Variants in PRKN observed in about 807,000 individuals in gnomAD.
The protein encoded by PRKN is E3 ubiquitin-protein ligase parkin.
A neutral mutation model predicts 59.5 loss-of-function variants in PRKN; 56 were observed. The observed-to-expected ratio is 0.94, with a 90% confidence interval of 0.76 to 1.18. The LOEUF (loss-of-function observed/expected upper bound fraction) is 1.18. Among genes scored for constraint, PRKN ranks in the 50% most tolerant of loss-of-function variants. PRKN has a pLI of 0.00. For synonymous variants in PRKN, 250 were observed against 222.1 expected, an observed-to-expected ratio of 1.13 and a Z score of -1.12; for missense variants, 657 against 596.4, an observed-to-expected ratio of 1.10 and a Z score of -1.06.
chr6:161,426,783 A>G (rs1442708481), intron 9 of PRKN, among the ~76,000 whole-genome samples: 1 of 151,878 alleles, frequency 6.6e-6, no homozygotes, highest in Non-Finnish European at 1.5e-5. Flanking sequence ...CAGTGGCGCA[A>G]TCTCGGCTCA....
At chr6:161,930,217 A>G (rs955634692) in intron 6 of PRKN, among the ~76,000 whole-genome samples, 1 of 152,220 alleles carries the variant, frequency 6.6e-6, no homozygotes, top group African/African-American at 2.4e-5. Flanking sequence ...ATCAGGCCAG[A>G]TGGATGAATG....
At chr6:162,192,499 C>A (rs1179475818) in intron 4 of PRKN, among the ~76,000 whole-genome samples, 1 of 115,224 alleles carries the variant, frequency 8.7e-6, no homozygotes, top group African/African-American at 3.5e-5. Context: ...GTCACTCAGG[C>A]TGGAATGTGG....
chr6:162,702,376 G>T (rs541338326), intron 1 of PRKN, among the ~76,000 whole-genome samples: 2 of 152,126 alleles, frequency 1.3e-5, no homozygotes, highest in South Asian at 4.2e-4. Context: ...TCACTGTAAA[G>T]AAGTTTAAAC....
intron 7 of PRKN, among the ~76,000 whole-genome samples, chr6:161,682,771 C>T (rs775787986): frequency 5.9e-5 from 9 of 152,238 alleles, no homozygotes; most frequent in East Asian, 5.8e-4. Context: ...GGAAGCCAGG[C>T]GAGAGGAGCA....
At chr6:162,126,509 T>G (rs900104049) in intron 4 of PRKN, among the ~76,000 whole-genome samples, 1 of 152,332 alleles carries the variant, frequency 6.6e-6, no homozygotes, top group East Asian at 1.9e-4. Context: ...ATGGTTCATT[T>G]TGGAATAGCA....
chr6:161,709,024 T>C (rs1182475249), intron 7 of PRKN, among the ~76,000 whole-genome samples: 1 of 152,216 alleles, frequency 6.6e-6, no homozygotes, highest in Non-Finnish European at 1.5e-5. Flanking sequence ...AATTTTAAAT[T>C]GTGTTTAATT....
At chr6:161,758,935 T>A (rs1020651143) in intron 7 of PRKN, among the ~76,000 whole-genome samples, 1 of 152,114 alleles carries the variant, frequency 6.6e-6, no homozygotes, top group African/African-American at 2.4e-5. Flanking sequence ...TCCTAGCACT[T>A]TGGGAGGCCG....
intron 2 of PRKN, among the ~76,000 whole-genome samples, chr6:162,268,297 C>A (rs1780224233): frequency 6.6e-6 from 1 of 152,084 alleles, no homozygotes; most frequent in East Asian, 1.9e-4. Flanking sequence ...TGGGGCAGAG[C>A]CTTCATGAAT....
chr6:161,916,467 A>G (rs912080178), intron 6 of PRKN, among the ~76,000 whole-genome samples: 5 of 152,226 alleles, frequency 3.3e-5, no homozygotes, highest in African/African-American at 1.2e-4. Flanking sequence ...TGAGTGATTG[A>G]TATGATTACA....
At chr6:161,450,779 C>T (rs9458261) in intron 9 of PRKN, among the ~76,000 whole-genome samples, 54,391 of 151,896 alleles carry the variant, frequency 0.36, 10,318 homozygotes, top group African/African-American at 0.45. Flanking sequence ...ATGGTCTCGA[C>T]CTCCTGACCT....
chr6:162,177,870 C>T (rs1372721427), intron 4 of PRKN, among the ~76,000 whole-genome samples: 2 of 152,210 alleles, frequency 1.3e-5, no homozygotes, highest in Non-Finnish European at 2.9e-5. Flanking sequence ...CACTCCGCAG[C>T]ACAGGCCCAA....
At chr6:161,728,869 T>C (rs1388273650) in intron 7 of PRKN, among the ~76,000 whole-genome samples, 2 of 152,178 alleles carry the variant, frequency 1.3e-5, no homozygotes, top group African/African-American at 2.4e-5. Flanking sequence ...ATTATAAAAA[T>C]ACACAGTAGC....
At chr6:161,829,126 T>C (rs925160480) in intron 6 of PRKN, among the ~76,000 whole-genome samples, 2 of 152,128 alleles carry the variant, frequency 1.3e-5, no homozygotes, top group African/African-American at 2.4e-5. Flanking sequence ...CTTGGGAGGC[T>C]GAGGCAGGAA....
intron 1 of PRKN, among the ~76,000 whole-genome samples, chr6:162,510,814 T>G (rs1777573065): frequency 6.6e-6 from 1 of 151,912 alleles, no homozygotes; most frequent in South Asian, 2.1e-4. Context: ...TTCCAGCTAC[T>G]CGGGAGGCTG....
intron 2 of PRKN, among the ~76,000 whole-genome samples, chr6:162,410,333 A>G (rs372678887): frequency 2.0e-5 from 3 of 152,264 alleles, no homozygotes; most frequent in East Asian, 3.9e-4. Flanking sequence ...CCCATTGGAT[A>G]GTTTTCAAAG....
At chr6:161,917,169 G>A (rs1213006217) in intron 6 of PRKN, among the ~76,000 whole-genome samples, 3 of 150,872 alleles carry the variant, frequency 2.0e-5, no homozygotes, top group Non-Finnish European at 1.5e-5. Flanking sequence ...GCAATGACAC[G>A]ATCTCGGCTT....
chr6:161,771,846 C>T (rs1789706908), intron 7 of PRKN, among the ~76,000 whole-genome samples: 1 of 152,244 alleles, frequency 6.6e-6, no homozygotes, highest in East Asian at 1.9e-4. Context: ...TGCTTTGGAA[C>T]CAAACAGTAT....
intron 1 of PRKN, among the ~76,000 whole-genome samples, chr6:162,576,697 AGCTACTCAGGAG>A (rs59436658): frequency 0.021 from 3,120 of 151,790 alleles, 106 homozygotes; most frequent in African/African-American, 0.07. Context: ...CTGTAGTCCC[AGCTACTCAGGAG>A]GCTGAGGCAG....
intron 7 of PRKN, among the ~76,000 whole-genome samples, chr6:161,659,591 T>TG (rs1446054792): frequency 6.6e-6 from 1 of 151,892 alleles, no homozygotes; most frequent in Non-Finnish European, 1.5e-5. Context: ...GGACTCTCAC[T>TG]GGGAAGGGGC....
Sources: allele counts gnomAD v4.1 joint callset (sites outside exome capture counted in the v4.1 genomes callset), GRCh38; gene constraint gnomAD v4.1.1; transcripts MANE v1.5; gene names NCBI Gene and HGNC (gene_info 2026-07-23, HGNC 2026-07-21).